The following TUFT1 variants were observed in gnomAD, a reference collection of about 807,000 sequenced individuals.
TUFT1 encodes the protein tuftelin.
A neutral mutation model predicts 57.8 loss-of-function variants in TUFT1; 43 were observed. The observed-to-expected ratio is 0.74, with a 90% CI of 0.58 to 0.96. The LOEUF (loss-of-function observed/expected upper bound fraction) is 0.96. TUFT1 is among the 40% of genes least tolerant of loss of function. The pLI, the probability that TUFT1 is intolerant of heterozygous loss-of-function variation, is 0.00. For synonymous variants in TUFT1, 166 were observed against 176.7 expected, an observed-to-expected ratio of 0.94 and a Z score of 0.48; for missense variants, 459 against 489.0, an observed-to-expected ratio of 0.94 and a Z score of 0.58.
At chr1:151,569,103 T>A (rs1666168738) in intron 6 of TUFT1, among the ~76,000 whole-genome samples, 1 of 152,186 alleles carries the variant, frequency 6.6e-6, no homozygotes, top group Non-Finnish European at 1.5e-5. Flanking sequence ...TTTTTCCACA[T>A]CGAATCAGAT....
chr1:151,558,527 T>G (rs916566348), intron 1 of TUFT1, among the ~76,000 whole-genome samples: 1 of 152,144 alleles, frequency 6.6e-6, no homozygotes, highest in African/African-American at 2.4e-5. Flanking sequence ...TGAAAATTTT[T>G]GGTCATTATT....
intron 1 of TUFT1, chr1:151,557,844 T>C (rs1665760009): frequency 2.7e-6 from 2 of 745,022 alleles, no homozygotes; most frequent in Non-Finnish European, 4.9e-6. Context: ...CTGTGCCGCC[T>C]GGTGCCGACA....
chr1:151,557,704 A>G, intron 1 of TUFT1: 1 of 812,680 alleles, frequency 1.2e-6, no homozygotes. Context: ...TCTGCCCCGG[A>G]GATTGTGCCT....
chr1:151,561,286 C>T (rs1003056289), intron 1 of TUFT1, among the ~76,000 whole-genome samples: 1 of 152,106 alleles, frequency 6.6e-6, no homozygotes, highest in Admixed American at 6.6e-5. Flanking sequence ...GCGTGAGCCA[C>T]CGTGCCCGGC....
At chr1:151,555,960 G>C (rs917287853) in intron 1 of TUFT1, among the ~76,000 whole-genome samples, 2 of 151,866 alleles carry the variant, frequency 1.3e-5, no homozygotes, top group Non-Finnish European at 2.9e-5. Flanking sequence ...ATCACCAAAA[G>C]CACCCCTCAT....
intron 2 of TUFT1, 168 bp from the exon 3 acceptor site, chr1:151,562,417 T>A (rs1665925069): frequency 1.5e-6 from 1 of 668,502 alleles, no homozygotes; most frequent in Non-Finnish European, 2.6e-6. Context: ...GTGTGGCTTC[T>A]GTTAGAAGTT....
intron 1 of TUFT1, among the ~76,000 whole-genome samples, chr1:151,554,887 A>G (rs1665633245): frequency 1.4e-5 from 2 of 147,584 alleles, no homozygotes; most frequent in South Asian, 4.3e-4. Flanking sequence ...TATTTTCAGT[A>G]GAGACAGGGT....
At position 151,578,819 on chromosome 1, in the gene TUFT1, T is replaced by C; in HGVS notation, c.917T>C (p.Ile306Thr). ...CAGCAGCGGAAAGTCCGGCAAATGA[T>C]AGAGCAGGTAAGTTGGGCTGGTTTG... ...KSQQRKVRQM[I>T]EQLQNSKAVI... Residue 306 changes from isoleucine to threonine, a missense_variant, in exon 10 of 13, where the codon ATA (isoleucine) becomes ACA (threonine). Transcript: ENST00000368849. 6.4e-7 allele frequency: 1 copy of C among 1,563,562 alleles called. No homozygotes were observed. Among genetic ancestry groups the C allele is most frequent in the Non-Finnish European group, 8.7e-7 (1 of 1,152,606 alleles).
chr1:151,562,023 C>A lies in TUFT1; in HGVS notation c.61-68C>A, dbSNP rs938679066. Reference sequence around the variant, plus strand: ...CAGAGCTGGCAGAAGCACCCCTGTACTGGTAGCAGTTTGTACCTGTAGACT... The same window carrying A: ...CAGAGCTGGCAGAAGCACCCCTGTAATGGTAGCAGTTTGTACCTGTAGACT... On this transcript the variant is annotated intron_variant, in intron 1 of 12. Coordinates refer to ENST00000368849, the MANE Select transcript of TUFT1 (RefSeq NM_020127.3). 39 of 1,541,886 alleles carry A rather than the reference C, an allele frequency of 2.5e-5. No individual in the cohort carries two copies. In the African/African-American group the frequency reaches 3.1e-4, roughly 12 times the overall value.
intron 1 of TUFT1, 100 bp downstream of exon 1, chr1:151,540,526 G>T: frequency 5.8e-6 from 8 of 1,388,782 alleles, no homozygotes; most frequent in Admixed American, 1.8e-5. Context: ...ATCACCTGGT[G>T]CCCGGCTCGC....
At chr1:151,577,403 C>G (rs1666506972) in intron 9 of TUFT1, among the ~76,000 whole-genome samples, 1 of 152,110 alleles carries the variant, frequency 6.6e-6, no homozygotes, top group African/African-American at 2.4e-5. Flanking sequence ...GGGACCCCAG[C>G]CACCAGTCAT....
intron 9 of TUFT1, among the ~76,000 whole-genome samples, chr1:151,577,668 C>A (rs973948448): frequency 6.6e-6 from 1 of 152,234 alleles, no homozygotes; most frequent in African/African-American, 2.4e-5. Context: ...CTTTAAGGAG[C>A]CTCAAATTCT....
intron 1 of TUFT1, among the ~76,000 whole-genome samples, chr1:151,555,691 C>G (rs768812429): frequency 6.9e-6 from 1 of 145,042 alleles, no homozygotes; most frequent in African/African-American, 2.6e-5. Context: ...GCAGGAGAAT[C>G]GTTTGAACCC....
Position 151,577,226 on chromosome 1 carries a change from A to C in TUFT1, c.819-1495A>C, listed in dbSNP as rs2102556141. ...TTGTTTAGGGTTCTTGTGGCGGTTC[A>C]TTACATTGGCATGATTGATTAAATT... On this transcript the variant is annotated intron_variant, in intron 9 of 12. Transcript: ENST00000368849. Among the ~76,000 whole-genome samples, 4 of 152,302 alleles carry C rather than the reference A, an allele frequency of 2.6e-5. No homozygotes were observed. The Middle Eastern group carries it at 0.014, about 518-fold the overall frequency.
intron 1 of TUFT1, among the ~76,000 whole-genome samples, chr1:151,557,044 T>G (rs2102530151): frequency 6.6e-6 from 1 of 152,304 alleles, no homozygotes; most frequent in South Asian, 2.1e-4. Flanking sequence ...ATTTATCTGT[T>G]TTCTTTTTCC....
intron 7 of TUFT1, among the ~76,000 whole-genome samples, chr1:151,570,275 A>T (rs1437927656): frequency 6.6e-6 from 1 of 152,204 alleles, no homozygotes; most frequent in Non-Finnish European, 1.5e-5. Flanking sequence ...CAGCTTTGCT[A>T]TGCAGAGCTT....
chr1:151,555,101 G>A (rs1665642517), intron 1 of TUFT1, among the ~76,000 whole-genome samples: 1 of 149,240 alleles, frequency 6.7e-6, no homozygotes, highest in African/African-American at 2.5e-5. Flanking sequence ...GCCGAGGCGG[G>A]TGGATCACAT....
chr1:151,557,428 G>A, intron 1 of TUFT1: 1 of 1,081,852 alleles, frequency 9.2e-7, no homozygotes, highest in Non-Finnish European at 1.4e-6. Context: ...CCCAGCCCCG[G>A]CCCCTACAGC....
chr1:151,582,155 C>G lies in TUFT1; in HGVS notation c.*448C>G, dbSNP rs771294104. ...GGGAATGAAGTTCCTTCCACAAACA[C>G]AGCTCAGTTCTTAGCAACAAACTGT... On this transcript the variant is annotated 3_prime_UTR_variant, in exon 13 of 13. Coordinates refer to ENST00000368849, the MANE Select transcript of TUFT1 (RefSeq NM_020127.3). 2.2e-6 allele frequency: 1 copy of G among 460,352 alleles called. No individual in the cohort carries two copies. Among genetic ancestry groups the G allele is most frequent in the African/African-American group, 2.0e-5 (1 of 50,226 alleles). 28.5% of individuals were successfully genotyped at this position (460,352 alleles called of 1,614,324 possible).
Sources: gnomAD v4.1 joint callset for allele counts (sites outside exome capture counted in the v4.1 genomes callset) on GRCh38, gnomAD v4.1.1 for gene constraint, MANE v1.5 for transcripts, NCBI Gene and HGNC (gene_info 2026-07-23, HGNC 2026-07-21) for gene names.